SLC4A4: variants seen among roughly 807,000 people sequenced by gnomAD.
SLC4A4 encodes electrogenic sodium bicarbonate cotransporter 1.
In SLC4A4, 27 loss-of-function variants were observed where a neutral mutation model predicts 111.5. That is an observed-to-expected ratio of 0.24 (90% confidence interval 0.18 to 0.33). The LOEUF is 0.33. SLC4A4 is among the 10% of genes least tolerant of loss of function. SLC4A4 has a pLI of 1.00. For synonymous variants in SLC4A4, 443 were observed against 463.4 expected, an observed-to-expected ratio of 0.96 and a Z score of 0.57; for missense variants, 909 against 1,315.5, an observed-to-expected ratio of 0.69 and a Z score of 4.78.
At chr4:71,100,440 A>G (rs1237163079) in intron 2 of SLC4A4, among the ~76,000 whole-genome samples, 1 of 152,312 alleles carries the variant, frequency 6.6e-6, no homozygotes, top group Middle Eastern at 3.4e-3. Flanking sequence ...TATTAAAGGA[A>G]ACTACCTAAA....
At chr4:71,418,032 CTG>C (rs1284310501) in intron 7 of SLC4A4, among the ~76,000 whole-genome samples, 2 of 152,068 alleles carry the variant, frequency 1.3e-5, no homozygotes, top group Admixed American at 1.3e-4. Flanking sequence ...GTTTTAAAAA[CTG>C]TAAGTAGCTA....
intron 3 of SLC4A4, among the ~76,000 whole-genome samples, chr4:71,323,414 C>T (rs775323135): frequency 1.9e-4 from 29 of 151,856 alleles, no homozygotes; most frequent in Admixed American, 5.9e-4. Context: ...TTTTTTTATT[C>T]ACTAAAGGAA....
intron 7 of SLC4A4, among the ~76,000 whole-genome samples, chr4:71,420,299 A>G (rs971805307): frequency 1.3e-5 from 2 of 152,234 alleles, no homozygotes; most frequent in Non-Finnish European, 2.9e-5. Flanking sequence ...AAGAATAAAA[A>G]GAAACGAACA....
chr4:71,092,754 C>T (rs1308928268), exon 2 of SLC4A4, among the ~76,000 whole-genome samples: 1 of 152,184 alleles, frequency 6.6e-6, no homozygotes, highest in African/African-American at 2.4e-5. Context: ...GTTGTAACTT[C>T]TTCTGGCTAT....
At chr4:71,530,248 A>G (rs530443078) in intron 16 of SLC4A4, among the ~76,000 whole-genome samples, 1 of 152,278 alleles carries the variant, frequency 6.6e-6, no homozygotes, top group African/African-American at 2.4e-5. Flanking sequence ...CTAGAACTTG[A>G]AATAACAATA....
At chr4:71,108,421 T>G (rs895285067) in intron 2 of SLC4A4, among the ~76,000 whole-genome samples, 1 of 152,238 alleles carries the variant, frequency 6.6e-6, no homozygotes, top group Non-Finnish European at 1.5e-5. Context: ...GGATTCTTGT[T>G]GACCATTTGT....
At chr4:71,476,074 T>C (rs543496287) in intron 14 of SLC4A4, among the ~76,000 whole-genome samples, 8 of 151,908 alleles carry the variant, frequency 5.3e-5, no homozygotes, top group African/African-American at 1.7e-4. Context: ...GGAGATGAAA[T>C]CTATTTGTGG....
chr4:71,401,869 A>T (rs1720396570), intron 7 of SLC4A4, among the ~76,000 whole-genome samples: 1 of 152,202 alleles, frequency 6.6e-6, no homozygotes, highest in Non-Finnish European at 1.5e-5. Context: ...TAGATGTAGA[A>T]ATAGCCTGCA....
intron 6 of SLC4A4, among the ~76,000 whole-genome samples, chr4:71,380,467 T>C (rs1427996384): frequency 6.6e-6 from 1 of 152,136 alleles, no homozygotes; most frequent in Admixed American, 6.6e-5. Flanking sequence ...TGAAGTTAGG[T>C]GTGAGCTCAT....
chr4:71,421,600 A>G (rs992506738), intron 7 of SLC4A4, among the ~76,000 whole-genome samples: 2 of 152,230 alleles, frequency 1.3e-5, no homozygotes, highest in African/African-American at 4.8e-5. Context: ...AGCTCTCCTC[A>G]GCAAATGTTA....
chr4:71,305,734 A>G (rs1725629381), intron 3 of SLC4A4, among the ~76,000 whole-genome samples: 1 of 152,192 alleles, frequency 6.6e-6, no homozygotes, highest in Non-Finnish European at 1.5e-5. Flanking sequence ...GTGTCCAGGC[A>G]CACTGTACGA....
intron 16 of SLC4A4, among the ~76,000 whole-genome samples, chr4:71,498,622 T>G (rs1730623481): frequency 6.6e-6 from 1 of 152,154 alleles, no homozygotes; most frequent in Admixed American, 6.6e-5. Context: ...CCTAGAAAAT[T>G]TTTGACTCTC....
At chr4:71,540,759 A>G (rs1052903994) in intron 18 of SLC4A4, among the ~76,000 whole-genome samples, 3 of 152,280 alleles carry the variant, frequency 2.0e-5, no homozygotes, top group East Asian at 3.9e-4. Flanking sequence ...GCCCTCAATT[A>G]ATAATCTGTA....
At chr4:71,304,422 G>A (rs1370759900) in intron 3 of SLC4A4, among the ~76,000 whole-genome samples, 2 of 152,128 alleles carry the variant, frequency 1.3e-5, no homozygotes, top group African/African-American at 4.8e-5. Context: ...TAAACACAAA[G>A]GTGAATTCAC....
At chr4:71,533,593 A>G (rs1002501110) in intron 17 of SLC4A4, among the ~76,000 whole-genome samples, 2 of 146,970 alleles carry the variant, frequency 1.4e-5, no homozygotes, top group African/African-American at 2.4e-5. Flanking sequence ...AGTTTTTTCC[A>G]GTTTTTTTTT....
intron 20 of SLC4A4, among the ~76,000 whole-genome samples, chr4:71,553,277 C>A (rs764844555): frequency 1.3e-5 from 2 of 151,756 alleles, no homozygotes; most frequent in Non-Finnish European, 2.9e-5. Flanking sequence ...TTACTGATAC[C>A]TTCTGATTTT....
intron 3 of SLC4A4, among the ~76,000 whole-genome samples, chr4:71,289,095 G>A (rs1029315318): frequency 2.0e-5 from 3 of 152,138 alleles, no homozygotes; most frequent in Non-Finnish European, 2.9e-5. Context: ...AGCAGGTTGG[G>A]AGCCAGGATT....
intron 6 of SLC4A4, among the ~76,000 whole-genome samples, chr4:71,379,000 C>T (rs771328527): frequency 8.5e-5 from 13 of 152,182 alleles, no homozygotes; most frequent in Non-Finnish European, 1.6e-4. Flanking sequence ...TTATTCCCAC[C>T]CTTCCTTGAC....
At chr4:71,067,346 A>G (rs1477722927) in intron 1 of SLC4A4, among the ~76,000 whole-genome samples, 4 of 152,200 alleles carry the variant, frequency 2.6e-5, no homozygotes, top group Admixed American at 6.5e-5. Flanking sequence ...GTTCTATTAT[A>G]ATCTCTTAAA....
Sources: gnomAD v4.1 joint callset for allele counts (sites outside exome capture counted in the v4.1 genomes callset) on GRCh38, gnomAD v4.1.1 for gene constraint, MANE v1.5 for transcripts, NCBI Gene and HGNC (gene_info 2026-07-23, HGNC 2026-07-21) for gene names.